The following CPQ variants were observed in gnomAD, a reference collection of about 807,000 sequenced individuals.
The protein encoded by CPQ is carboxypeptidase Q.
In CPQ, 37 loss-of-function variants were observed where a neutral mutation model predicts 45.7. The ratio of observed to expected loss-of-function variants is 0.81; its 90% CI spans 0.62 to 1.07. The LOEUF is 1.07. Ranked by LOEUF, CPQ falls within the 50% of genes least tolerant of loss-of-function variation. The pLI is 0.00. For synonymous variants in CPQ, 186 were observed against 205.8 expected, an observed-to-expected ratio of 0.90 and a Z score of 0.82; for missense variants, 537 against 572.9, an observed-to-expected ratio of 0.94 and a Z score of 0.64.
intron 1 of CPQ, among the ~76,000 whole-genome samples, chr8:96,774,676 G>T (rs1285148967): frequency 6.6e-6 from 1 of 152,166 alleles, no homozygotes; most frequent in Non-Finnish European, 1.5e-5. Flanking sequence ...TATTGACTAG[G>T]GTGGGGAATA....
chr8:96,768,436 G>A (rs1174624843), intron 1 of CPQ, among the ~76,000 whole-genome samples: 1 of 152,106 alleles, frequency 6.6e-6, no homozygotes, highest in African/African-American at 2.4e-5. Flanking sequence ...TCGTATTGCA[G>A]GGGAGAGCAC....
intron 2 of CPQ, among the ~76,000 whole-genome samples, chr8:96,833,469 C>A (rs562547362): frequency 6.6e-6 from 1 of 152,096 alleles, no homozygotes; most frequent in Non-Finnish European, 1.5e-5. Context: ...TTGCGACATC[C>A]CTTGAGTGGA....
At position 97,043,441 on chromosome 8, in the gene CPQ, G is replaced by A. The variant is rs200055491; in HGVS notation, c.1053+13947G>A. On this transcript the variant is annotated intron_variant, in intron 6 of 7. Transcript: ENST00000220763. ...CTGATGGGTCTTGACTCTTTATCCA[G>A]TTTGCCAGTCTGTGTCTTTTAATTG... is the stretch of plus-strand genomic sequence containing the variant. Among the ~76,000 whole-genome samples the A allele has an allele frequency of 7.2e-5, 11 of 151,908 alleles. No homozygotes were observed. The East Asian group carries it at 7.7e-4, about 11-fold the overall frequency.
intron 2 of CPQ, among the ~76,000 whole-genome samples, chr8:96,821,978 T>C (rs117669010): frequency 5.7e-4 from 87 of 152,120 alleles, no homozygotes; most frequent in Admixed American, 2.0e-3. Context: ...TTATTAACTA[T>C]AGTCAGCATG....
At chr8:96,959,663 TA>T (rs942619475) in intron 4 of CPQ, among the ~76,000 whole-genome samples, 1 of 152,116 alleles carries the variant, frequency 6.6e-6, no homozygotes, top group Non-Finnish European at 1.5e-5. Context: ...GCCTCTTCTC[TA>T]AGGCTAAATA....
chr8:97,122,283 G>A (rs1206150977), intron 7 of CPQ, among the ~76,000 whole-genome samples: 2 of 151,994 alleles, frequency 1.3e-5, no homozygotes, highest in African/African-American at 4.8e-5. Flanking sequence ...AGCCTCCAGA[G>A]AGTTGAAACA....
intron 5 of CPQ, among the ~76,000 whole-genome samples, chr8:96,995,118 C>G (rs915676311): frequency 6.6e-6 from 1 of 152,038 alleles, no homozygotes; most frequent in Non-Finnish European, 1.5e-5. Flanking sequence ...GGTTTGAACA[C>G]CAGCTCTATC....
At chr8:97,130,946 G>A (rs1003255243) in intron 7 of CPQ, among the ~76,000 whole-genome samples, 7 of 152,118 alleles carry the variant, frequency 4.6e-5, no homozygotes, top group African/African-American at 1.7e-4. Context: ...AGTTAAAGAG[G>A]CTGCGTTGAG....
At chr8:96,661,555 A>G (rs780090494) in intron 1 of CPQ, among the ~76,000 whole-genome samples, 29 of 152,016 alleles carry the variant, frequency 1.9e-4, no homozygotes, top group Middle Eastern at 3.4e-3. Context: ...GTCTTTTCAG[A>G]TTCGCTTCTT....
At chr8:96,734,638 G>A (rs1424399872) in intron 1 of CPQ, among the ~76,000 whole-genome samples, 1 of 151,996 alleles carries the variant, frequency 6.6e-6, no homozygotes, top group Non-Finnish European at 1.5e-5. Flanking sequence ...ATGAAGCTGG[G>A]AGGCGGAGGT....
At chr8:96,747,549 A>G (rs867908395) in intron 1 of CPQ, among the ~76,000 whole-genome samples, 3 of 152,178 alleles carry the variant, frequency 2.0e-5, no homozygotes, top group Admixed American at 6.5e-5. Flanking sequence ...TTTAGCCCCA[A>G]ACTGACAGAG....
chr8:97,063,656 A>G (rs10089867), intron 6 of CPQ, among the ~76,000 whole-genome samples: 15,088 of 152,082 alleles, frequency 0.099, 1,592 homozygotes, highest in African/African-American at 0.27. Flanking sequence ...TGGTGTAAAG[A>G]AGGGGTCAAG....
At position 97,138,615 on chromosome 8, in the gene CPQ, G is replaced by A. The variant is rs182152279; in HGVS notation, c.1256-4405G>A. Among the ~76,000 whole-genome samples the A allele has an allele frequency of 1.4e-4, 21 of 152,260 alleles. 1 individual carries two copies. Among genetic ancestry groups the A allele is most frequent in the Admixed American group, 1.3e-3 (20 of 15,288 alleles). ...CATGACTTAGCAAGAGGCAAAATAA[G>A]GGAATTCCTCAGAGGTGAGAAATAA... On this transcript the variant is annotated intron_variant, in intron 7 of 7. Transcript: ENST00000220763.
chr8:96,826,237 T>C (rs1303065696), intron 2 of CPQ, among the ~76,000 whole-genome samples: 1 of 152,094 alleles, frequency 6.6e-6, no homozygotes, highest in Non-Finnish European at 1.5e-5. Context: ...ATCATTTTGA[T>C]GTGTGATAGG....
At position 97,143,160 on chromosome 8, in the gene CPQ, G is replaced by A. The variant is rs759197625; in HGVS notation, c.1396G>A (p.Glu466Lys). 1 of 1,613,968 alleles carries A rather than the reference G, an allele frequency of 6.2e-7. No homozygotes were observed. Among genetic ancestry groups the A allele is most frequent in the Non-Finnish European group, 8.5e-7 (1 of 1,179,898 alleles). The change falls in exon 8 of 8, where the codon GAA (glutamate) becomes AAA (lysine). Residue 466 changes from glutamate (E) to lysine (K), a missense_variant. Coordinates refer to ENST00000220763, the MANE Select transcript of CPQ (RefSeq NM_016134.4). ...AVVSYVVADM[E>K]EMLPRS is the part of the protein sequence containing the mutation. ...TGTTTCTTATGTTGTTGCAGACATG[G>A]AAGAAATGCTGCCTAGGTCCTAGAA...
chr8:96,682,751 A>T (rs1300977304), intron 1 of CPQ, among the ~76,000 whole-genome samples: 1 of 152,140 alleles, frequency 6.6e-6, no homozygotes, highest in Non-Finnish European at 1.5e-5. Flanking sequence ...ATCTGATATA[A>T]CTATCACTAT....
chr8:96,999,329 C>T (rs1809228776), intron 5 of CPQ, among the ~76,000 whole-genome samples: 1 of 150,968 alleles, frequency 6.6e-6, no homozygotes, highest in Admixed American at 6.6e-5. Context: ...CAGGTTATTT[C>T]ATCACCCAGC....
intron 7 of CPQ, among the ~76,000 whole-genome samples, chr8:97,115,859 G>T (rs558307985): frequency 6.6e-6 from 1 of 152,020 alleles, no homozygotes. Context: ...TAAAAATCAG[G>T]TGTATTGAAA....
chr8:96,922,884 A>G (rs1020553597), intron 4 of CPQ, among the ~76,000 whole-genome samples: 5 of 152,070 alleles, frequency 3.3e-5, no homozygotes, highest in Admixed American at 6.5e-5. Flanking sequence ...TGATTTGACC[A>G]TTGTGGTGTG....
Sources: allele counts gnomAD v4.1 joint callset (sites outside exome capture counted in the v4.1 genomes callset), GRCh38; gene constraint gnomAD v4.1.1; transcripts MANE v1.5; gene names NCBI Gene and HGNC (gene_info 2026-07-23, HGNC 2026-07-21).